PRRX1: variants seen among roughly 807,000 people sequenced by gnomAD.
PRRX1 encodes paired related homeobox 1, also known as paired mesoderm homeobox protein 1.
A neutral mutation model predicts 24.0 loss-of-function variants in PRRX1; 8 were observed. The observed-to-expected ratio is 0.33, with a 90% CI of 0.20 to 0.60. PRRX1 has a LOEUF of 0.60. Ranked by LOEUF, PRRX1 falls within the 20% of genes least tolerant of loss-of-function variation. The pLI, the probability that PRRX1 is intolerant of heterozygous loss-of-function variation, is 0.82. For synonymous variants in PRRX1, 160 were observed against 131.7 expected (o/e 1.22, Z -1.47); for missense variants, 281 against 322.4 (o/e 0.87, Z 0.98).
chr1:170,734,612 CT>C (rs1281238181), intron 3 of PRRX1, among the ~76,000 whole-genome samples: 2 of 151,900 alleles, frequency 1.3e-5, no homozygotes, highest in African/African-American at 4.8e-5. Flanking sequence ...AGGTAGGATC[CT>C]TTTGAAACCT....
chr1:170,699,346 C>T (rs1654276359), intron 1 of PRRX1, among the ~76,000 whole-genome samples: 1 of 151,760 alleles, frequency 6.6e-6, no homozygotes, highest in African/African-American at 2.4e-5. Flanking sequence ...TTACAAAACC[C>T]TTTCAGAGGG....
At chr1:170,665,934 C>T (rs1195722438) in intron 1 of PRRX1, among the ~76,000 whole-genome samples, 1 of 152,226 alleles carries the variant, frequency 6.6e-6, no homozygotes, top group Non-Finnish European at 1.5e-5. Context: ...AATGAAGAAC[C>T]AGGTGTCCTC....
At chr1:170,726,493 T>G in intron 3 of PRRX1, 92 bp downstream of exon 3, 2 of 1,437,218 alleles carry the variant, frequency 1.4e-6, no homozygotes, top group Non-Finnish European at 1.9e-6. Flanking sequence ...TCACCGACAT[T>G]TCTTACTGGG....
At chr1:170,709,148 G>A (rs1413882298) in intron 1 of PRRX1, among the ~76,000 whole-genome samples, 2 of 152,190 alleles carry the variant, frequency 1.3e-5, no homozygotes, top group Admixed American at 6.5e-5. Flanking sequence ...ACTGTCATAA[G>A]TGTTATAAAG....
In PRRX1 at chr1:170,680,580, C is replaced by T. The variant is rs539488744; in HGVS notation, c.241+16121C>T. Among the ~76,000 whole-genome samples the T allele has an allele frequency of 3.9e-5, 6 of 152,310 alleles. No individual in the cohort carries two copies. The South Asian group carries it at 8.3e-4, about 21-fold the overall frequency. On this transcript the variant is annotated intron_variant, in intron 1 of 3. Coordinates refer to ENST00000239461, the MANE Select transcript of PRRX1 (RefSeq NM_022716.4). ...TATATTTAATCATTTGTGGAGCATA[C>T]TGGCAGCATACTCAGGGGAACTATG... is the stretch of plus-strand genomic sequence containing the variant.
chr1:170,668,473 A>T lies in PRRX1; in HGVS notation c.241+4014A>T, dbSNP rs566053040. 37 of 152,352 alleles carry T rather than the reference A, an allele frequency of 2.4e-4. 1 individual carries two copies. Among genetic ancestry groups the T allele is most frequent in the Admixed American group, 2.1e-3 (32 of 15,304 alleles). 9.4% of individuals were successfully genotyped at this position (152,352 alleles called of 1,614,324 possible). Reference sequence around the variant, plus strand: ...GCGCGCACACACGCACACATTCACAAGCCGGTGCTAAGTGTGCACCCGGCG... The same window carrying T: ...GCGCGCACACACGCACACATTCACATGCCGGTGCTAAGTGTGCACCCGGCG... On this transcript the variant is annotated intron_variant, in intron 1 of 3. Coordinates refer to ENST00000239461, the MANE Select transcript of PRRX1 (RefSeq NM_022716.4).
intron 2 of PRRX1, among the ~76,000 whole-genome samples, chr1:170,725,257 G>A (rs1323522974): frequency 6.6e-6 from 1 of 152,016 alleles, no homozygotes; most frequent in African/African-American, 2.4e-5. Context: ...TAGCAAACCT[G>A]CACATCCTGC....
chr1:170,717,713 G>C (rs919959403), intron 1 of PRRX1, among the ~76,000 whole-genome samples: 1 of 152,068 alleles, frequency 6.6e-6, no homozygotes, highest in Admixed American at 6.6e-5. Flanking sequence ...GAGACAAAAT[G>C]ATTTGGAAAA....
chr1:170,675,335 TG>T lies in PRRX1; in HGVS notation c.241+10877del, dbSNP rs770940463. Among the ~76,000 whole-genome samples, 18 of 152,336 alleles carry T rather than the reference TG, an allele frequency of 1.2e-4. No individual in the cohort carries two copies. In the East Asian group the frequency reaches 1.5e-3, roughly 13 times the overall value. ...TCTTAGACCACAGTTAGAGAACTACTGCTCCAAAAATCAATTTTTACATGAT... is the reference window on the plus strand; with the variant it reads ...TCTTAGACCACAGTTAGAGAACTACTCTCCAAAAATCAATTTTTACATGAT... On this transcript the variant is annotated intron_variant, in intron 1 of 3. Transcript: ENST00000239461.
At chr1:170,702,105 C>T (rs1654404993) in intron 1 of PRRX1, among the ~76,000 whole-genome samples, 1 of 152,156 alleles carries the variant, frequency 6.6e-6, no homozygotes, top group Non-Finnish European at 1.5e-5. Flanking sequence ...CAACCTAGAT[C>T]CCGCGCATGC....
At chr1:170,732,201 G>A (rs190600625) in intron 3 of PRRX1, among the ~76,000 whole-genome samples, 1 of 152,236 alleles carries the variant, frequency 6.6e-6, no homozygotes, top group East Asian at 1.9e-4. Flanking sequence ...TGTTCCGAAT[G>A]GCCCTATAAA....
chr1:170,712,784 T>C (rs775775412), intron 1 of PRRX1, among the ~76,000 whole-genome samples: 4 of 152,214 alleles, frequency 2.6e-5, no homozygotes, highest in Non-Finnish European at 5.9e-5. Flanking sequence ...GCAGGATCTG[T>C]ATGAGAACAA....
In PRRX1 at chr1:170,737,733, A is replaced by C. The variant is rs1252962700; in HGVS notation, c.*1547A>C. Reference sequence around the variant, plus strand: ...CCCAGCCATGCTTTTGTAACTTGCCAGGTGGACTTGACCAACTACATTACC... The same window carrying C: ...CCCAGCCATGCTTTTGTAACTTGCCCGGTGGACTTGACCAACTACATTACC... On this transcript the variant is annotated 3_prime_UTR_variant, in exon 4 of 4. Transcript: ENST00000239461. 4 of 221,450 alleles carry C rather than the reference A, an allele frequency of 1.8e-5. No homozygotes were observed. Among genetic ancestry groups the C allele is most frequent in the Non-Finnish European group, 3.6e-5 (4 of 110,360 alleles). 13.7% of individuals were successfully genotyped at this position (221,450 alleles called of 1,614,324 possible).
intron 1 of PRRX1, among the ~76,000 whole-genome samples, chr1:170,694,114 G>A (rs1378778762): frequency 6.6e-6 from 1 of 151,992 alleles, no homozygotes; most frequent in Non-Finnish European, 1.5e-5. Context: ...AACCCCAGGT[G>A]CAAATATATC....
At chr1:170,720,781 GGC>G (rs1306681054) in intron 2 of PRRX1, among the ~76,000 whole-genome samples, 5 of 152,168 alleles carry the variant, frequency 3.3e-5, no homozygotes, top group Non-Finnish European at 7.4e-5. Flanking sequence ...GAGCATGAAA[GGC>G]AGGAAAAAGA....
chr1:170,718,496 G>T (rs1654974018), intron 1 of PRRX1, among the ~76,000 whole-genome samples: 1 of 152,210 alleles, frequency 6.6e-6, no homozygotes, highest in African/African-American at 2.4e-5. Context: ...AGAATCAGGA[G>T]AATTTGCATA....
chr1:170,737,043 A>T lies in PRRX1; in HGVS notation c.*857A>T, dbSNP rs1413046081. 5.3e-5 allele frequency: 10 copies of T among 187,356 alleles called. No individual in the cohort carries two copies. The allele number at this position is 187,356 out of a possible 1,614,324, so 11.6% of individuals were successfully genotyped here. A position where few individuals can be genotyped will look rare whatever the true frequency, so the allele number is the denominator to read the frequency against. On this transcript the variant is annotated 3_prime_UTR_variant, in exon 4 of 4. Coordinates refer to ENST00000239461, the MANE Select transcript of PRRX1 (RefSeq NM_022716.4). ...TATTTTTCACCTGAGAGAGGAAGAG[A>T]AATTTCTCTAGTAACACAAAGAGTG...
Position 170,664,201 on chromosome 1 carries a change from G to A in PRRX1, c.-18G>A, listed in dbSNP as rs757204360. ...TCGAGCGGGAAGAGGGGGGTGGGTGGGATCGGTGGGGGAGACCATGACCTC... is the reference window on the plus strand; with the variant it reads ...TCGAGCGGGAAGAGGGGGGTGGGTGAGATCGGTGGGGGAGACCATGACCTC... On this transcript the variant is annotated 5_prime_UTR_variant, in exon 1 of 4. Coordinates refer to ENST00000239461, the MANE Select transcript of PRRX1 (RefSeq NM_022716.4). The A allele has an allele frequency of 3.0e-5, 48 of 1,603,712 alleles. No homozygotes were observed. The East Asian group carries it at 1.0e-3, about 35-fold the overall frequency.
In PRRX1 at chr1:170,664,314, G is replaced by T. The variant is rs1262486932; in HGVS notation, c.96G>T (p.Lys32Asn). The change falls in exon 1 of 4, where the codon AAG becomes AAT. Residue 32 changes from lysine to asparagine, a missense_variant. Transcript: ENST00000239461. Reference sequence around the variant, plus strand: ...ACCTCGACACCCTGCAGGCGAAAAAGAACTTCTCCGTCAGTCACCTGCTAG... The same window carrying T: ...ACCTCGACACCCTGCAGGCGAAAAATAACTTCTCCGTCAGTCACCTGCTAG... The part of the protein sequence containing the change: ...PGNLDTLQAK[K>N]NFSVSHLLDL... 1.9e-6 allele frequency: 3 copies of T among 1,613,882 alleles called. No individual in the cohort carries two copies. Among genetic ancestry groups the T allele is most frequent in the Admixed American group, 3.3e-5 (2 of 59,988 alleles).
Sources: allele counts gnomAD v4.1 joint callset (sites outside exome capture counted in the v4.1 genomes callset), GRCh38; gene constraint gnomAD v4.1.1; transcripts MANE v1.5; gene names NCBI Gene and HGNC (gene_info 2026-07-23, HGNC 2026-07-21).